The following CDK6 variants were observed in gnomAD, a reference collection of about 807,000 sequenced individuals.
The protein encoded by CDK6 is cyclin dependent kinase 6, also known as cyclin-dependent kinase 6.
CDK6 carries 6 observed loss-of-function variants against 37.1 expected under a neutral mutation model. That is an observed-to-expected ratio of 0.16 (90% CI 0.09 to 0.32). The LOEUF (loss-of-function observed/expected upper bound fraction) is 0.32. Among genes scored for constraint, CDK6 ranks in the 10% least tolerant of loss-of-function variants. The pLI, the probability that CDK6 is intolerant of heterozygous loss-of-function variation, is 1.00. For missense variants in CDK6, 224 were observed against 418.9 expected, an observed-to-expected ratio of 0.53 and a Z score of 4.06; for synonymous variants, 160 against 161.3, an observed-to-expected ratio of 0.99 and a Z score of 0.06.
chr7:92,811,615 T>C (rs1396459808), intron 2 of CDK6, among the ~76,000 whole-genome samples: 1 of 151,962 alleles, frequency 6.6e-6, no homozygotes, highest in Non-Finnish European at 1.5e-5. Context: ...CCGTAGTACC[T>C]ATGCCTTGCC....
intron 4 of CDK6, among the ~76,000 whole-genome samples, chr7:92,716,604 A>C (rs926650741): frequency 6.6e-6 from 1 of 152,218 alleles, no homozygotes; most frequent in Non-Finnish European, 1.5e-5. Context: ...TCAAAGCCTA[A>C]GCAAAATATT....
chr7:92,684,069 G>C (rs1401951668), intron 4 of CDK6, among the ~76,000 whole-genome samples: 1 of 152,236 alleles, frequency 6.6e-6, no homozygotes. Flanking sequence ...GTAATGTACT[G>C]CGCTGAATTA....
At position 92,609,127 on chromosome 7, in the gene CDK6, TC is replaced by T. The variant is rs1279434822; in HGVS notation, c.*6012del. ...GTTCAGTATGAATTACTGAGACTCA[TC>T]TGCTTGCCACTCAGGAGGAAAGTTG... On this transcript the variant is annotated 3_prime_UTR_variant, in exon 8 of 8. Transcript: ENST00000424848. 4.3e-6 allele frequency: 1 copy of T among 232,874 alleles called. No individual in the cohort carries two copies. Among genetic ancestry groups the T allele is most frequent in the African/African-American group, 2.2e-5 (1 of 45,306 alleles). 14.4% of individuals were successfully genotyped at this position (232,874 alleles called of 1,614,324 possible). A position where few individuals can be genotyped will look rare whatever the true frequency, so the allele number is the denominator to read the frequency against.
At chr7:92,646,408 T>C (rs989510123) in intron 5 of CDK6, among the ~76,000 whole-genome samples, 10 of 151,362 alleles carry the variant, frequency 6.6e-5, no homozygotes, top group Non-Finnish European at 1.5e-4. Flanking sequence ...TTTTTCTTTT[T>C]TTTTTTTGAG....
intron 3 of CDK6, among the ~76,000 whole-genome samples, chr7:92,749,437 C>T (rs1055948164): frequency 6.6e-6 from 1 of 152,084 alleles, no homozygotes; most frequent in Non-Finnish European, 1.5e-5. Flanking sequence ...GCATTCTAGC[C>T]TGAGTAATGG....
chr7:92,710,164 CT>C (rs1798055625), intron 4 of CDK6, among the ~76,000 whole-genome samples: 1 of 152,162 alleles, frequency 6.6e-6, no homozygotes, highest in Non-Finnish European at 1.5e-5. Context: ...CTAGCATAAC[CT>C]GATTTTCTTT....
At chr7:92,790,366 T>C (rs1255203972) in intron 2 of CDK6, among the ~76,000 whole-genome samples, 2 of 152,328 alleles carry the variant, frequency 1.3e-5, no homozygotes, top group African/African-American at 4.8e-5. Flanking sequence ...AAAGGGCCTT[T>C]ATCCTGTTTC....
At chr7:92,639,141 C>A (rs887154940) in intron 5 of CDK6, among the ~76,000 whole-genome samples, 2 of 152,108 alleles carry the variant, frequency 1.3e-5, no homozygotes, top group African/African-American at 2.4e-5. Flanking sequence ...TAAAAAAAAT[C>A]TTGGCGCTTT....
In CDK6 at chr7:92,613,669, C is replaced by T. The variant is rs1301595042; in HGVS notation, c.*1471G>A. 1.7e-5 allele frequency: 4 copies of T among 233,022 alleles called. No individual in the cohort carries two copies. The Admixed American group carries it at 2.3e-4, about 13-fold the overall frequency. The allele number at this position is 233,022 out of a possible 1,614,324, so 14.4% of individuals were successfully genotyped here. Reference sequence around the variant, plus strand: ...CATTTGATAGAGTAAATGTATGGCCCTAAAACATAGCTAAAGACATACCCT... The same window carrying T: ...CATTTGATAGAGTAAATGTATGGCCTTAAAACATAGCTAAAGACATACCCT... On this transcript the variant is annotated 3_prime_UTR_variant, in exon 8 of 8. Coordinates refer to ENST00000424848, the MANE Select transcript of CDK6 (RefSeq NM_001145306.2).
At chr7:92,767,694 T>C (rs958116788) in intron 3 of CDK6, among the ~76,000 whole-genome samples, 3 of 152,154 alleles carry the variant, frequency 2.0e-5, no homozygotes, top group Non-Finnish European at 4.4e-5. Flanking sequence ...TGCTTAATTT[T>C]TGCTTAGCAG....
intron 3 of CDK6, among the ~76,000 whole-genome samples, chr7:92,764,139 CTT>C (rs397891071): frequency 4.1e-4 from 58 of 140,304 alleles, no homozygotes; most frequent in Non-Finnish European, 4.1e-4. Flanking sequence ...GTTTATTTGT[CTT>C]TTTTTTTTTT....
rs149630812 is a variant in CDK6 at position 92,797,174 on chromosome 7, C to T, written c.234-22343G>A. The stretch of plus-strand genomic sequence containing the variant: ...AGAGTTTGTGAATGAAACTTCCTCT[C>T]CTACAGCCAAAATGGATGCAACTGG... On this transcript the variant is annotated intron_variant, in intron 2 of 7. Coordinates refer to ENST00000424848, the MANE Select transcript of CDK6 (RefSeq NM_001145306.2). 4.6e-3 allele frequency among the ~76,000 whole-genome samples: 696 copies of T among 152,244 alleles called. 5 individuals carry two copies. The highest frequency in any genetic ancestry group is 0.016 in the African/African-American group (657 of 41,540).
In CDK6 at chr7:92,786,410, A is replaced by G. The variant is rs946939184; in HGVS notation, c.234-11579T>C. Among the ~76,000 whole-genome samples the G allele has an allele frequency of 1.1e-4, 16 of 152,324 alleles. No individual in the cohort carries two copies. In the South Asian group the frequency reaches 1.4e-3, roughly 14 times the overall value. ...TTAGTTCCTTTTAAGGAAACTTTTG[A>G]TCATAAACATAGAAGAAAATGTTAA... is the stretch of plus-strand genomic sequence containing the variant. On this transcript the variant is annotated intron_variant, in intron 2 of 7. Coordinates refer to ENST00000424848, the MANE Select transcript of CDK6 (RefSeq NM_001145306.2).
intron 4 of CDK6, among the ~76,000 whole-genome samples, chr7:92,693,118 G>A (rs1797633343): frequency 6.6e-6 from 1 of 152,128 alleles, no homozygotes; most frequent in South Asian, 2.1e-4. Flanking sequence ...ATTATTAATA[G>A]GAATGTCTGT....
chr7:92,782,301 T>A (rs770845642), intron 2 of CDK6, among the ~76,000 whole-genome samples: 6 of 152,186 alleles, frequency 3.9e-5, no homozygotes, highest in Non-Finnish European at 5.9e-5. Context: ...TTATTCTACA[T>A]CCTATTAAGT....
chr7:92,821,976 A>G (rs1047201219), intron 2 of CDK6, among the ~76,000 whole-genome samples: 1 of 152,118 alleles, frequency 6.6e-6, no homozygotes, highest in Admixed American at 6.6e-5. Context: ...AATATGACAT[A>G]CATATTACAT....
intron 3 of CDK6, among the ~76,000 whole-genome samples, chr7:92,744,777 C>T (rs73232041): frequency 0.07 from 10,722 of 152,176 alleles, 529 homozygotes; most frequent in Non-Finnish European, 0.11. Flanking sequence ...ATTTTTATCA[C>T]TGCCAACTCC....
intron 5 of CDK6, among the ~76,000 whole-genome samples, chr7:92,648,830 C>T (rs1169464453): frequency 6.6e-6 from 1 of 152,114 alleles, no homozygotes; most frequent in East Asian, 1.9e-4. Context: ...ACTGCTTTAT[C>T]TAGTTTTAGT....
At chr7:92,705,838 C>T (rs973638231) in intron 4 of CDK6, among the ~76,000 whole-genome samples, 1 of 152,128 alleles carries the variant, frequency 6.6e-6, no homozygotes, top group Non-Finnish European at 1.5e-5. Flanking sequence ...ATGCTAAATA[C>T]AAATTTTCCA....
Sources: gnomAD v4.1 joint callset for allele counts (sites outside exome capture counted in the v4.1 genomes callset) on GRCh38, gnomAD v4.1.1 for gene constraint, MANE v1.5 for transcripts, NCBI Gene and HGNC (gene_info 2026-07-23, HGNC 2026-07-21) for gene names.